ZNF705D: variants seen among roughly 807,000 people sequenced by gnomAD.
ZNF705D encodes putative zinc finger protein 705C.
For synonymous variants in ZNF705D, 1 was observed against 43.8 expected (o/e 0.02, Z 3.86); for missense variants, 6 against 129.4 (o/e 0.05, Z 4.63).
At chr8:12,105,753 A>G (rs1802199582), upstream of ZNF705D, among the ~76,000 whole-genome samples, 1 of 49,344 alleles carries the variant, frequency 2.0e-5, no homozygotes, top group African/African-American at 9.1e-5. Context: ...AAAAAAAAAA[A>G]GAGAGAGAGA....
upstream of ZNF705D, among the ~76,000 whole-genome samples, chr8:12,105,730 T>C (rs1211773783): frequency 9.8e-5 from 4 of 40,700 alleles, no homozygotes; most frequent in African/African-American, 4.3e-4. Flanking sequence ...GGAGTGAAAC[T>C]CTACCAAAAA....
chr8:12,110,643 G>T (rs1366636090), intron 2 of ZNF705D, among the ~76,000 whole-genome samples, 157 bp from the exon 5 acceptor site: 1 of 4,098 alleles, frequency 2.4e-4, no homozygotes, highest in African/African-American at 3.4e-4. Context: ...CTCAAGTTGG[G>T]TCAGAAAAAT....
chr8:12,090,090 A>G, the ZNF705D span, among the ~76,000 whole-genome samples: 4 of 81,626 alleles, frequency 4.9e-5, no homozygotes, highest in African/African-American at 1.2e-4. Flanking sequence ...GCCCCATTCA[A>G]TTTTTTACAA....
the ZNF705D span, among the ~76,000 whole-genome samples, chr8:12,095,493 T>C: frequency 0.35 from 5,975 of 17,286 alleles, 506 homozygotes; most frequent in Non-Finnish European, 0.51. Context: ...AAATCTGCTG[T>C]CACACAAAAA....
At position 12,113,108 on chromosome 8, in the gene ZNF705D, G is replaced by C. The variant is rs373929090; in HGVS notation, c.853G>C (p.Ala285Pro). ...AATTCACATTGGAGAGAAACCACAT[G>C]CTTGTCTTCTATGTGGGAAGGCCTT... The change falls in exon 5 of 5, where the codon GCT (alanine) becomes CCT (proline). Residue 285 changes from alanine (A) to proline (P), a missense_variant. Physicochemically the swap from Ala to Pro is conservative, Grantham distance 27 (BLOSUM62 -1). Coordinates refer to ENST00000400078, the Ensembl canonical transcript of ZNF705D. 1.1e-5 allele frequency: 15 copies of C among 1,418,412 alleles called. No homozygotes were observed. In the African/African-American group the frequency reaches 2.1e-4, roughly 20 times the overall value. The allele number at this position is 1,418,412 out of a possible 1,614,324, so 87.9% of individuals were successfully genotyped here.
At chr8:12,107,632 C>A (rs1418575491), upstream of ZNF705D, among the ~76,000 whole-genome samples, 270 of 71,820 alleles carry the variant, frequency 3.8e-3, 114 homozygotes, top group Middle Eastern at 0.034. Context: ...ATTATTTCCA[C>A]GTTCCAAGGG....
chr8:12,109,447 T>C (rs1454320393), intron 1 of ZNF705D, among the ~76,000 whole-genome samples: 1 of 87,058 alleles, frequency 1.1e-5, no homozygotes, highest in African/African-American at 2.9e-5. Context: ...AACCATTTGA[T>C]TGGGGAGAAA....
At chr8:12,103,003 A>G (rs1337705790), upstream of ZNF705D, among the ~76,000 whole-genome samples, 24 of 89,014 alleles carry the variant, frequency 2.7e-4, no homozygotes, top group Non-Finnish European at 5.2e-4. Flanking sequence ...ATGGTTGTGT[A>G]GTATTCCATG....
chr8:12,109,523 G>T (rs1802249875), intron 1 of ZNF705D, among the ~76,000 whole-genome samples: 1 of 75,220 alleles, frequency 1.3e-5, no homozygotes, highest in African/African-American at 3.2e-5. Context: ...GTAAATCATG[G>T]TTATTTGCCT....
At chr8:12,089,885 C>T in the ZNF705D span, among the ~76,000 whole-genome samples, 15 of 47,400 alleles carry the variant, frequency 3.2e-4, 3 homozygotes, top group Admixed American at 1.1e-3. Flanking sequence ...CGCTGAAAGG[C>T]GGGTCTCACT....
chr8:12,091,785 AT>A, the ZNF705D span, among the ~76,000 whole-genome samples: 156 of 11,886 alleles, frequency 0.013, 3 homozygotes, highest in South Asian at 0.024. Context: ...CTAATTTTGT[AT>A]TTTTTTTTTT....
At chr8:12,107,301 C>T (rs1223948135), upstream of ZNF705D, among the ~76,000 whole-genome samples, 2 of 58,606 alleles carry the variant, frequency 3.4e-5, no homozygotes, top group African/African-American at 9.9e-5. Context: ...CATCCTAAAA[C>T]AGATTTTTTT....
chr8:12,105,774 G>C (rs1262629034), upstream of ZNF705D, among the ~76,000 whole-genome samples: 2 of 45,080 alleles, frequency 4.4e-5, 1 homozygote, highest in Non-Finnish European at 7.6e-5. Context: ...GAGACAACTG[G>C]AGGGAGATAC....
Position 12,110,322 on chromosome 8 carries a change from A to G in ZNF705D, c.139+296A>G, listed in dbSNP as rs1270814181. On this transcript the variant is annotated intron_variant, in intron 2 of 4. Coordinates refer to ENST00000400078, the Ensembl canonical transcript of ZNF705D. ...CCTGGGAACATAATGAATATTTTCA[A>G]TGTATTAAATTACTCTCTAAATAAC... 2.2e-3 allele frequency among the ~76,000 whole-genome samples: 182 copies of G among 81,834 alleles called. 70 individuals are homozygous for G. Among genetic ancestry groups the G allele is most frequent in the Non-Finnish European group, 4.5e-3 (151 of 33,328 alleles). 53.7% of individuals were successfully genotyped at this position (81,834 alleles called of 152,430 possible).
upstream of ZNF705D, among the ~76,000 whole-genome samples, chr8:12,105,338 C>T (rs1030240645): frequency 1.6e-4 from 12 of 76,476 alleles, no homozygotes; most frequent in Admixed American, 8.0e-4. Flanking sequence ...TCTAAATAGC[C>T]GTGAAAGGGC....
upstream of ZNF705D, among the ~76,000 whole-genome samples, chr8:12,105,945 G>T (rs1164798946): frequency 4.7e-5 from 2 of 42,744 alleles, no homozygotes; most frequent in African/African-American, 1.1e-4. Context: ...GCTTGTGTAT[G>T]TATGTGGTTT....
intron 1 of ZNF705D, among the ~76,000 whole-genome samples, chr8:12,109,425 C>A (rs1184148408): frequency 1.1e-5 from 1 of 87,564 alleles, no homozygotes; most frequent in Admixed American, 1.4e-4. Context: ...CAAAACACAT[C>A]ATTGGTCTTT....
chr8:12,105,525 G>C (rs1188848932), upstream of ZNF705D, among the ~76,000 whole-genome samples: 1 of 78,206 alleles, frequency 1.3e-5, no homozygotes, highest in Non-Finnish European at 2.8e-5. Context: ...ATCACCTGAG[G>C]TCAGGAGTTC....
rs1189710512 is a variant in ZNF705D at position 12,112,137 on chromosome 8, TTTACA to T, written c.319-435_319-431del. Among the ~76,000 whole-genome samples the T allele has an allele frequency of 3.4e-5, 2 of 59,304 alleles. 1 individual carries two copies. Among genetic ancestry groups the T allele is most frequent in the Non-Finnish European group, 6.7e-5 (2 of 29,772 alleles). 38.9% of individuals were successfully genotyped at this position (59,304 alleles called of 152,430 possible). On this transcript the variant is annotated intron_variant, in intron 4 of 4. Transcript: ENST00000400078. ...GAGGAATAATGCAGGAAAGCTGCAT[TTTACA>T]TAAGACAACATAGGCAAAATGGGGA...
Sources: gnomAD v4.1 joint callset for allele counts (sites outside exome capture counted in the v4.1 genomes callset) on GRCh38, gnomAD v4.1.1 for gene constraint, MANE v1.5 for transcripts, NCBI Gene and HGNC (gene_info 2026-07-23, HGNC 2026-07-21) for gene names.